CELF2: variants seen among roughly 807,000 people sequenced by gnomAD.
CELF2 encodes the protein CUGBP Elav-like family member 2, also known as CUG triplet repeat RNA-binding protein 2.
In CELF2, 8 loss-of-function variants were observed where a neutral mutation model predicts 62.6. The ratio of observed to expected loss-of-function variants is 0.13; its 90% CI spans 0.07 to 0.23. The LOEUF (loss-of-function observed/expected upper bound fraction) is 0.23. Among genes scored for constraint, CELF2 ranks in the 10% least tolerant of loss-of-function variants. The pLI is 1.00. For missense variants in CELF2, 333 were observed against 671.0 expected (o/e 0.50, Z 5.56); for synonymous variants, 258 against 250.0 (o/e 1.03, Z -0.30).
chr10:11,247,152 A>G lies in CELF2; in HGVS notation c.355-2001A>G, dbSNP rs190829672. Among the ~76,000 whole-genome samples, 224 of 152,232 alleles carry G rather than the reference A, an allele frequency of 1.5e-3. 1 individual carries two copies. Among genetic ancestry groups the G allele is most frequent in the Middle Eastern group, 3.4e-3 (1 of 294 alleles). On this transcript the variant is annotated intron_variant, in intron 3 of 12. Transcript: ENST00000633077. This position sits in a 1 kb window ranked among gnomAD's most constrained non-coding sequence, Gnocchi z 5.4. ...ATCCACCCTCCACACGGCAGCCAAAATGGCTTTTCTAGAATTTCGATCTTG... is the reference window on the plus strand; with the variant it reads ...ATCCACCCTCCACACGGCAGCCAAAGTGGCTTTTCTAGAATTTCGATCTTG...
At chr10:10,726,742 C>T in the CELF2 span, among the ~76,000 whole-genome samples, 1 of 152,142 alleles carries the variant, frequency 6.6e-6, no homozygotes, top group Admixed American at 6.6e-5. Context: ...ACAATTTAAT[C>T]CTTTAGTATT....
chr10:10,520,382 T>C, the CELF2 span, among the ~76,000 whole-genome samples: 1 of 151,848 alleles, frequency 6.6e-6, no homozygotes, highest in African/African-American at 2.4e-5. Context: ...GGGTTAGGGG[T>C]AGGTAGACTT....
chr10:10,750,814 G>T, the CELF2 span, among the ~76,000 whole-genome samples: 3 of 152,184 alleles, frequency 2.0e-5, no homozygotes, highest in Admixed American at 1.3e-4. Context: ...ATCCCAGCTG[G>T]CAAAGGCGTC....
chr10:10,885,400 C>T (rs1328893419), intron 1 of CELF2, among the ~76,000 whole-genome samples: 1 of 151,604 alleles, frequency 6.6e-6, no homozygotes, highest in Non-Finnish European at 1.5e-5. Context: ...AATATAAGTG[C>T]AGTTCTAGTC....
chr10:11,131,629 T>C (rs939955114), intron 1 of CELF2, among the ~76,000 whole-genome samples: 1 of 152,148 alleles, frequency 6.6e-6, no homozygotes, highest in Non-Finnish European at 1.5e-5. Flanking sequence ...TATGGATCCA[T>C]GGAGGAAGGT....
chr10:10,748,504 T>C, the CELF2 span, among the ~76,000 whole-genome samples: 3 of 151,996 alleles, frequency 2.0e-5, no homozygotes, highest in Non-Finnish European at 4.4e-5. Context: ...ATCCCAGCAC[T>C]TTGGGAGGCT....
rs1386723556 is a variant in CELF2 at position 11,012,430 on chromosome 10, G to A, written c.53+6990G>A. Among the ~76,000 whole-genome samples the A allele has an allele frequency of 6.6e-6, 1 of 152,174 alleles. No individual in the cohort carries two copies. Among genetic ancestry groups the A allele is most frequent in the East Asian group, 1.9e-4 (1 of 5,192 alleles). ...AAAGGACAGACATTCAGGCACATGG[G>A]CTGTCATGCCCAGAGAGATTCCCTC... On this transcript the variant is annotated intron_variant, in intron 1 of 12. Coordinates refer to the CELF2 transcript ENST00000416382. This position sits in a 1 kb window ranked among gnomAD's most constrained non-coding sequence, Gnocchi z 5.5.
chr10:11,125,376 C>G (rs1316879182), intron 1 of CELF2, among the ~76,000 whole-genome samples: 1 of 151,350 alleles, frequency 6.6e-6, no homozygotes, highest in East Asian at 1.9e-4. Flanking sequence ...GTAATGTGGC[C>G]ATAGGGTGAA....
In CELF2 at chr10:10,953,584, C is replaced by T. The variant is rs537230391; in HGVS notation, c.89+33585C>T. Among the ~76,000 whole-genome samples, 45 of 152,200 alleles carry T rather than the reference C, an allele frequency of 3.0e-4. 1 individual carries two copies. The highest frequency in any genetic ancestry group is 9.9e-4 in the African/African-American group (41 of 41,530). ...AGTTAAAAAGAAGTTAGAGCCATAC[C>T]TTCCACCAGGATGAATTTCAAATGG... On this transcript the variant is annotated intron_variant, in intron 2 of 13. Coordinates refer to the CELF2 transcript ENST00000636488.
chr10:10,529,854 G>A, the CELF2 span, among the ~76,000 whole-genome samples: 2 of 152,088 alleles, frequency 1.3e-5, no homozygotes, highest in East Asian at 1.9e-4. Flanking sequence ...CACATCAGTG[G>A]CTATGAACAG....
the CELF2 span, among the ~76,000 whole-genome samples, chr10:10,753,532 G>A: frequency 1.3e-5 from 2 of 152,106 alleles, no homozygotes. Context: ...CATGAAAAGT[G>A]AGCCCACTCC....
At chr10:10,958,980 G>C (rs900470379) in intron 2 of CELF2, among the ~76,000 whole-genome samples, 1 of 152,144 alleles carries the variant, frequency 6.6e-6, no homozygotes, top group Non-Finnish European at 1.5e-5. Context: ...ATCCAGGCTG[G>C]GCACGGTGGC....
chr10:11,335,723 G>A lies in CELF2; in HGVS notation c.*6670G>A, dbSNP rs1378646455. 1.3e-5 allele frequency: 2 copies of A among 152,066 alleles called. No homozygotes were observed. The highest frequency in any genetic ancestry group is 2.9e-5 in the Non-Finnish European group (2 of 68,026). 9.4% of individuals were successfully genotyped at this position (152,066 alleles called of 1,614,324 possible). On this transcript the variant is annotated 3_prime_UTR_variant, in exon 13 of 13. Coordinates refer to ENST00000633077, the MANE Select transcript of CELF2 (RefSeq NM_001326342.2). The surrounding 1 kb of genome is among the most constrained non-coding windows in gnomAD (Gnocchi z 5.0). The stretch of plus-strand genomic sequence containing the variant: ...TTCTTTTTATTAGGGAGGTGGGAGG[G>A]GGATGTTGGGAGGCATGGGGGGTGA...
At chr10:11,049,558 TAAAAAAAAA>T (rs368708381) in intron 1 of CELF2, among the ~76,000 whole-genome samples, 12 of 96,906 alleles carry the variant, frequency 1.2e-4, no homozygotes, top group African/African-American at 1.4e-4. Flanking sequence ...CTTTCTTTAG[TAAAAAAAAA>T]AAAAAAAAAA....
the CELF2 span, among the ~76,000 whole-genome samples, chr10:10,599,219 A>G: frequency 6.6e-6 from 1 of 152,204 alleles, no homozygotes; most frequent in Non-Finnish European, 1.5e-5. Context: ...ATGACTTTCA[A>G]TGAGACTTCA....
At chr10:10,569,270 T>C in the CELF2 span, among the ~76,000 whole-genome samples, 1 of 151,836 alleles carries the variant, frequency 6.6e-6, no homozygotes, top group African/African-American at 2.4e-5. Context: ...CTCACAATCA[T>C]GGGGGAAGGC....
At chr10:11,199,778 A>G (rs2058802234) in intron 2 of CELF2, among the ~76,000 whole-genome samples, 1 of 152,244 alleles carries the variant, frequency 6.6e-6, no homozygotes, top group African/African-American at 2.4e-5. Context: ...GCTTCTCTAA[A>G]GCAGCAGCAG....
intron 2 of CELF2, among the ~76,000 whole-genome samples, chr10:11,168,625 A>G (rs1249139054): frequency 6.6e-6 from 1 of 152,192 alleles, no homozygotes; most frequent in African/African-American, 2.4e-5. Context: ...GGTTTGGGTT[A>G]TGTGAGTGAG....
the CELF2 span, among the ~76,000 whole-genome samples, chr10:10,605,229 C>T: frequency 6.6e-6 from 1 of 151,506 alleles, no homozygotes; most frequent in Non-Finnish European, 1.5e-5. Context: ...AATGAGAACA[C>T]ATGGACACAG....
Sources: allele counts gnomAD v4.1 joint callset (sites outside exome capture counted in the v4.1 genomes callset), GRCh38; gene constraint gnomAD v4.1.1; non-coding constraint Gnocchi (gnomAD v3.1); transcripts MANE v1.5; gene names NCBI Gene and HGNC (gene_info 2026-07-23, HGNC 2026-07-21).